TMEM178A: variants seen among roughly 807,000 people sequenced by gnomAD.
TMEM178A encodes the protein transmembrane protein 178.
In TMEM178A, 12 loss-of-function variants were observed where a neutral mutation model predicts 29.1. The ratio of observed to expected loss-of-function variants is 0.41; its 90% CI spans 0.26 to 0.67. The LOEUF is 0.67. TMEM178A is among the 30% of genes least tolerant of loss of function. The probability of loss-of-function intolerance (pLI) is 0.29; values close to 1 mark genes in which losing one functional copy is unlikely to be tolerated. For synonymous variants in TMEM178A, 210 were observed against 187.2 expected (o/e 1.12, Z -0.99); for missense variants, 366 against 419.1 (o/e 0.87, Z 1.11).
chr2:39,695,974 T>A (rs1382610159), intron 1 of TMEM178A, among the ~76,000 whole-genome samples: 1 of 152,248 alleles, frequency 6.6e-6, no homozygotes, highest in African/African-American at 2.4e-5. Context: ...AGTGAAACTG[T>A]TCCTTGCTTA....
chr2:39,666,994 T>C (rs991452750), intron 1 of TMEM178A, among the ~76,000 whole-genome samples: 1 of 152,004 alleles, frequency 6.6e-6, no homozygotes, highest in African/African-American at 2.4e-5. Context: ...AAGTGCAGGG[T>C]GTGTGTGGAT....
At chr2:39,723,420 G>A in the TMEM178A span, among the ~76,000 whole-genome samples, 1 of 152,190 alleles carries the variant, frequency 6.6e-6, no homozygotes, top group Non-Finnish European at 1.5e-5. Context: ...AAAATAAATA[G>A]ATATATAAGT....
chr2:39,719,864 C>T (rs572281118), downstream of TMEM178A, among the ~76,000 whole-genome samples: 8 of 152,198 alleles, frequency 5.3e-5, no homozygotes, highest in South Asian at 1.5e-3. Context: ...GGGAAACCTC[C>T]ACAGAACATA....
intron 1 of TMEM178A, among the ~76,000 whole-genome samples, chr2:39,695,585 A>T (rs1347227880): frequency 6.6e-6 from 1 of 151,866 alleles, no homozygotes. Flanking sequence ...GATGTAGGCT[A>T]GGATGGTCAC....
At chr2:39,716,833 G>C (rs1321904508) in intron 3 of TMEM178A, among the ~76,000 whole-genome samples, 177 bp from the exon 4 acceptor site, 1 of 151,938 alleles carries the variant, frequency 6.6e-6, no homozygotes, top group Non-Finnish European at 1.5e-5. Flanking sequence ...CTGGCACACA[G>C]AAGTTTTGCC....
At chr2:39,707,970 T>G (rs1672113335) in intron 3 of TMEM178A, among the ~76,000 whole-genome samples, 1 of 152,208 alleles carries the variant, frequency 6.6e-6, no homozygotes, top group Non-Finnish European at 1.5e-5. Flanking sequence ...ACAGATATCT[T>G]TTGAGGACTT....
intron 1 of TMEM178A, among the ~76,000 whole-genome samples, chr2:39,695,559 C>G (rs1671503152): frequency 6.6e-6 from 1 of 151,430 alleles, no homozygotes; most frequent in Non-Finnish European, 1.5e-5. Context: ...AGTTTTTGGA[C>G]TGTTCTAAAG....
chr2:39,681,992 T>C (rs184709323), intron 1 of TMEM178A, among the ~76,000 whole-genome samples: 162 of 152,328 alleles, frequency 1.1e-3, no homozygotes, highest in African/African-American at 3.7e-3. Context: ...TCCTGCTCCC[T>C]GTGGGACATT....
At chr2:39,723,348 C>T in the TMEM178A span, among the ~76,000 whole-genome samples, 3 of 152,146 alleles carry the variant, frequency 2.0e-5, no homozygotes, top group Admixed American at 1.3e-4. Context: ...TTGAAGTTTT[C>T]TCATTTCTCC....
At chr2:39,705,464 T>A (rs1395843177) in intron 2 of TMEM178A, among the ~76,000 whole-genome samples, 8 of 152,180 alleles carry the variant, frequency 5.3e-5, no homozygotes, top group African/African-American at 1.9e-4. Context: ...CCATACTACA[T>A]TTCCCCTGCT....
chr2:39,708,566 G>A (rs3902124), intron 3 of TMEM178A, among the ~76,000 whole-genome samples: 4 of 149,682 alleles, frequency 2.7e-5, no homozygotes, highest in Non-Finnish European at 5.9e-5. Flanking sequence ...CTACAGGCGC[G>A]CGCCACCATG....
intron 2 of TMEM178A, among the ~76,000 whole-genome samples, chr2:39,705,123 A>G (rs17024172): frequency 0.02 from 3,049 of 152,314 alleles, 112 homozygotes; most frequent in African/African-American, 0.07. Flanking sequence ...AGGGGAGAAA[A>G]GATCATCATA....
chr2:39,693,395 G>A (rs1268605823), intron 1 of TMEM178A, among the ~76,000 whole-genome samples: 1 of 152,216 alleles, frequency 6.6e-6, no homozygotes, highest in African/African-American at 2.4e-5. Flanking sequence ...GGGGTCCCAT[G>A]TGGAAAGGAA....
intron 1 of TMEM178A, among the ~76,000 whole-genome samples, chr2:39,671,092 G>A (rs1670391047): frequency 6.6e-6 from 1 of 152,192 alleles, no homozygotes; most frequent in African/African-American, 2.4e-5. Context: ...ACATGTTCTT[G>A]TAGTTGCAGA....
chr2:39,674,022 T>C (rs1670510606), intron 1 of TMEM178A, among the ~76,000 whole-genome samples: 1 of 152,190 alleles, frequency 6.6e-6, no homozygotes, highest in Non-Finnish European at 1.5e-5. Flanking sequence ...TTAACACCTT[T>C]TTTTAAGTTC....
intron 1 of TMEM178A, among the ~76,000 whole-genome samples, chr2:39,678,396 C>G (rs1357446156): frequency 1.3e-5 from 2 of 152,018 alleles, no homozygotes; most frequent in Non-Finnish European, 2.9e-5. Flanking sequence ...CATTATTCAG[C>G]CATAAAAAGG....
chr2:39,718,184 C>A (rs113826958), downstream of TMEM178A, among the ~76,000 whole-genome samples: 3,601 of 109,490 alleles, frequency 0.033, 132 homozygotes, highest in African/African-American at 0.12. Context: ...ATACTATTTA[C>A]AATTTTCTTC....
intron 3 of TMEM178A, among the ~76,000 whole-genome samples, chr2:39,713,075 A>G (rs1359594717): frequency 6.6e-6 from 1 of 152,150 alleles, no homozygotes; most frequent in African/African-American, 2.4e-5. Context: ...AACTTACGGG[A>G]AGTCTAAGAG....
intron 3 of TMEM178A, among the ~76,000 whole-genome samples, chr2:39,708,842 C>T (rs1188679561): frequency 6.6e-6 from 1 of 152,060 alleles, no homozygotes; most frequent in East Asian, 1.9e-4. Flanking sequence ...TAACACTGAC[C>T]GAAGGTAGCT....
Sources: gnomAD v4.1 joint callset for allele counts (sites outside exome capture counted in the v4.1 genomes callset) on GRCh38, gnomAD v4.1.1 for gene constraint, MANE v1.5 for transcripts, NCBI Gene and HGNC (gene_info 2026-07-23, HGNC 2026-07-21) for gene names.